The following NRG1 variants were observed in gnomAD, a reference collection of about 807,000 sequenced individuals.
NRG1 encodes the protein pro-neuregulin-1, membrane-bound isoform.
Under a neutral mutation model 63.8 loss-of-function variants are expected in NRG1, and 18 were observed. The observed-to-expected ratio is 0.28, with a 90% CI of 0.19 to 0.42. The LOEUF is 0.42. NRG1 is among the 10% of genes least tolerant of loss of function. NRG1 has a pLI of 1.00. For missense variants in NRG1, 762 were observed against 814.7 expected (o/e 0.94, Z 0.79); for synonymous variants, 302 against 301.3 (o/e 1.00, Z -0.02).
At chr8:32,630,038 A>G (rs1403300916) in intron 5 of NRG1, among the ~76,000 whole-genome samples, 2 of 152,146 alleles carry the variant, frequency 1.3e-5, no homozygotes, top group East Asian at 1.9e-4. Flanking sequence ...ACAATTCAAT[A>G]TTTGTCAAGT....
chr8:31,824,950 A>G (rs1824392031), intron 1 of NRG1, among the ~76,000 whole-genome samples: 1 of 152,232 alleles, frequency 6.6e-6, no homozygotes, highest in African/African-American at 2.4e-5. Context: ...GGAAAAGAAA[A>G]ACATTAAATT....
intron 1 of NRG1, among the ~76,000 whole-genome samples, chr8:31,896,670 C>T (rs554293888): frequency 6.5e-4 from 99 of 152,322 alleles, no homozygotes; most frequent in African/African-American, 2.2e-3. Flanking sequence ...AGTTGCCTTT[C>T]TAACAAGTTT....
At chr8:32,663,632 A>G (rs774099676) in intron 5 of NRG1, among the ~76,000 whole-genome samples, 5 of 152,162 alleles carry the variant, frequency 3.3e-5, no homozygotes, top group African/African-American at 4.8e-5. Context: ...CACATATTAT[A>G]TCTTCTCTAC....
At chr8:31,975,289 C>T (rs1314898074) in intron 1 of NRG1, among the ~76,000 whole-genome samples, 1 of 152,030 alleles carries the variant, frequency 6.6e-6, no homozygotes, top group Admixed American at 6.6e-5. Flanking sequence ...CTCAGATCCC[C>T]GTGTCTCCAA....
intron 4 of NRG1, among the ~76,000 whole-genome samples, chr8:32,616,423 G>A (rs1847373074): frequency 6.6e-6 from 1 of 152,130 alleles, no homozygotes; most frequent in South Asian, 2.1e-4. Flanking sequence ...TATTTGGCAT[G>A]CATGAAAATT....
intron 5 of NRG1, among the ~76,000 whole-genome samples, chr8:32,725,135 C>T (rs1177997690): frequency 3.3e-5 from 5 of 152,026 alleles, no homozygotes; most frequent in Admixed American, 1.3e-4. Flanking sequence ...GGAGTGTCTA[C>T]ATTTGGGGGG....
At chr8:31,659,457 T>C (rs560520303) in intron 1 of NRG1, among the ~76,000 whole-genome samples, 4 of 152,152 alleles carry the variant, frequency 2.6e-5, no homozygotes, top group Admixed American at 6.5e-5. Flanking sequence ...GGGAAGCTGG[T>C]GAGAGGGTGA....
At chr8:32,736,026 G>A (rs980378586) in intron 6 of NRG1, among the ~76,000 whole-genome samples, 1 of 151,818 alleles carries the variant, frequency 6.6e-6, no homozygotes, top group African/African-American at 2.4e-5. Flanking sequence ...AAAAATGGAG[G>A]ATATATACTG....
At chr8:32,106,949 G>T (rs537399199) in intron 1 of NRG1, among the ~76,000 whole-genome samples, 1 of 152,046 alleles carries the variant, frequency 6.6e-6, no homozygotes, top group Admixed American at 6.6e-5. Flanking sequence ...TTGGCCAGCC[G>T]CAGTGGCTCA....
chr8:31,704,954 A>G (rs1810998853), intron 1 of NRG1, among the ~76,000 whole-genome samples: 1 of 152,200 alleles, frequency 6.6e-6, no homozygotes, highest in African/African-American at 2.4e-5. Flanking sequence ...GTTTGAAGAA[A>G]AGCCTTAAGA....
intron 1 of NRG1, among the ~76,000 whole-genome samples, chr8:31,673,772 T>C (rs1563279170): frequency 6.6e-6 from 1 of 152,118 alleles, no homozygotes; most frequent in African/African-American, 2.4e-5. Context: ...GTGAGATTCA[T>C]AGTCAGGATG....
chr8:32,108,789 G>C (rs896068891), intron 1 of NRG1, among the ~76,000 whole-genome samples: 1 of 152,060 alleles, frequency 6.6e-6, no homozygotes, highest in African/African-American at 2.4e-5. Flanking sequence ...ACCTTTAGAA[G>C]CTGGAAATGG....
chr8:32,474,533 G>T (rs764022225), intron 1 of NRG1, among the ~76,000 whole-genome samples: 2 of 137,512 alleles, frequency 1.5e-5, no homozygotes, highest in African/African-American at 5.5e-5. Flanking sequence ...TCACTCTGCC[G>T]CCAGGCTGGA....
chr8:31,921,339 A>T (rs1330270774), intron 1 of NRG1, among the ~76,000 whole-genome samples: 1 of 152,132 alleles, frequency 6.6e-6, no homozygotes, highest in Non-Finnish European at 1.5e-5. Context: ...TGTCTCAGTG[A>T]TTGGAGCCAG....
At chr8:32,755,222 T>G in intron 8 of NRG1, among the ~76,000 whole-genome samples, 1 of 152,160 alleles carries the variant, frequency 6.6e-6, no homozygotes, top group East Asian at 1.9e-4. Flanking sequence ...ACAAATTCAA[T>G]TACTATGTGA....
intron 1 of NRG1, among the ~76,000 whole-genome samples, chr8:32,138,448 C>T (rs1356915061): frequency 1.3e-5 from 2 of 151,794 alleles, no homozygotes; most frequent in Non-Finnish European, 2.9e-5. Context: ...AATCAGAAGA[C>T]AGCATTCCCC....
rs542963905 is a variant in NRG1 at position 32,742,505 on chromosome 8, G to T, written c.633-170G>T. 2.6e-4 allele frequency among the ~76,000 whole-genome samples: 39 copies of T among 152,186 alleles called. No individual in the cohort carries two copies. Among genetic ancestry groups the T allele is most frequent in the African/African-American group, 9.4e-4 (39 of 41,510 alleles). On this transcript the variant is annotated intron_variant, in intron 6 of 11. Coordinates refer to ENST00000356819, the Ensembl canonical transcript of NRG1. The surrounding 1 kb of genome is among the most constrained non-coding windows in gnomAD (Gnocchi z 4.2). ...ATTCTGTCCAAATTTTTAACCATTT[G>T]GGGGAAGTGCCAGAGCCTGAAAGCC...
chr8:32,528,758 C>T (rs1210289671), intron 1 of NRG1, among the ~76,000 whole-genome samples: 2 of 152,120 alleles, frequency 1.3e-5, no homozygotes, highest in African/African-American at 4.8e-5. Context: ...ATATAGAATA[C>T]ATACAGGTCC....
At chr8:32,399,323 G>A (rs1056796652) in intron 1 of NRG1, among the ~76,000 whole-genome samples, 1 of 152,170 alleles carries the variant, frequency 6.6e-6, no homozygotes, top group African/African-American at 2.4e-5. Flanking sequence ...TCTTTTCTGA[G>A]ACACGTATTT....
Sources: gnomAD v4.1 joint callset for allele counts (sites outside exome capture counted in the v4.1 genomes callset) on GRCh38, gnomAD v4.1.1 for gene constraint, Gnocchi (gnomAD v3.1) non-coding constraint, MANE v1.5 for transcripts, NCBI Gene and HGNC (gene_info 2026-07-23, HGNC 2026-07-21) for gene names.